The following LGSN variants were observed in gnomAD, a reference collection of about 807,000 sequenced individuals.
LGSN encodes lengsin.
A neutral mutation model predicts 19.5 loss-of-function variants in LGSN; 21 were observed. The observed-to-expected ratio is 1.07, with a 90% confidence interval of 0.76 to 1.55. The LOEUF (loss-of-function observed/expected upper bound fraction) is 1.55. LGSN is among the 40% of genes most tolerant of loss of function. The pLI is 0.00. For synonymous variants in LGSN, 257 were observed against 215.6 expected (o/e 1.19, Z -1.68); for missense variants, 673 against 608.5 (o/e 1.11, Z -1.12).
At chr6:63,501,341 G>T in the LGSN span, among the ~76,000 whole-genome samples, 1 of 140,096 alleles carries the variant, frequency 7.1e-6, no homozygotes, top group African/African-American at 2.8e-5. Flanking sequence ...TAGCCTGGGC[G>T]ACAAGAACAA....
the LGSN span, among the ~76,000 whole-genome samples, chr6:63,337,860 G>T: frequency 7.9e-5 from 12 of 151,646 alleles, no homozygotes; most frequent in Non-Finnish European, 1.3e-4. Context: ...GATTATATAA[G>T]AACTCTGTAC....
the LGSN span, chr6:63,550,555 C>T: frequency 2.0e-5 from 3 of 152,120 alleles, no homozygotes; most frequent in Non-Finnish European, 2.9e-5. Context: ...AGCCTTGGTT[C>T]GGGTGCATAT....
At chr6:63,474,667 A>T in the LGSN span, among the ~76,000 whole-genome samples, 11 of 151,952 alleles carry the variant, frequency 7.2e-5, no homozygotes, top group Non-Finnish European at 1.5e-4. Flanking sequence ...CACGCCTGTA[A>T]TCCCAGCACT....
the LGSN span, among the ~76,000 whole-genome samples, chr6:63,510,832 C>A: frequency 6.6e-6 from 1 of 151,890 alleles, no homozygotes; most frequent in Non-Finnish European, 1.5e-5. Flanking sequence ...TGTCACCATA[C>A]CTGGCTAATT....
At chr6:63,422,551 AG>A in the LGSN span, among the ~76,000 whole-genome samples, 1 of 152,218 alleles carries the variant, frequency 6.6e-6, no homozygotes, top group Non-Finnish European at 1.5e-5. Context: ...TTAAAAAAAG[AG>A]ATACCCATTT....
chr6:63,493,585 T>C, the LGSN span, among the ~76,000 whole-genome samples: 1 of 152,242 alleles, frequency 6.6e-6, no homozygotes, highest in South Asian at 2.1e-4. Context: ...CCATCAGATC[T>C]TGGGTCTCTG....
At chr6:63,378,436 T>A in the LGSN span, among the ~76,000 whole-genome samples, 2 of 152,154 alleles carry the variant, frequency 1.3e-5, no homozygotes, top group Non-Finnish European at 2.9e-5. Flanking sequence ...CATACCACTG[T>A]CTCAGGTATA....
At chr6:63,522,154 C>A in the LGSN span, among the ~76,000 whole-genome samples, 1 of 152,136 alleles carries the variant, frequency 6.6e-6, no homozygotes, top group South Asian at 2.1e-4. Context: ...ATTTCCTTAT[C>A]CCAACTCTAT....
In LGSN at chr6:63,317,266, C is replaced by G. The variant is rs185288531; in HGVS notation, c.30+2648G>C. On this transcript the variant is annotated intron_variant, in intron 1 of 3. Coordinates refer to ENST00000370657, the MANE Select transcript of LGSN (RefSeq NM_016571.3). The stretch of plus-strand genomic sequence containing the variant: ...GTTCTAAGCACTTTACATGTATTAA[C>G]TCATTTAATCTCCACAAAATCCCTT... Among the ~76,000 whole-genome samples the G allele has an allele frequency of 1.1e-3, 167 of 152,242 alleles. 2 individuals carry two copies. The highest frequency in any genetic ancestry group is 3.7e-3 in the African/African-American group (154 of 41,568).
chr6:63,348,734 A>G, the LGSN span, among the ~76,000 whole-genome samples: 4 of 132,196 alleles, frequency 3.0e-5, no homozygotes, highest in Admixed American at 3.1e-4. Flanking sequence ...AGAAATGAAG[A>G]TTTTTACTTT....
the LGSN span, among the ~76,000 whole-genome samples, chr6:63,554,907 T>C: frequency 6.6e-6 from 1 of 152,228 alleles, no homozygotes; most frequent in Non-Finnish European, 1.5e-5. Flanking sequence ...TGGTGTATAG[T>C]AGATTTTCAC....
chr6:63,398,334 T>C, the LGSN span, among the ~76,000 whole-genome samples: 9 of 151,846 alleles, frequency 5.9e-5, no homozygotes, highest in Admixed American at 5.9e-4. Context: ...CCCCTGAAGA[T>C]CTTGAAACGG....
the LGSN span, among the ~76,000 whole-genome samples, chr6:63,337,347 C>T: frequency 6.7e-6 from 1 of 150,334 alleles, no homozygotes; most frequent in Admixed American, 6.6e-5. Flanking sequence ...GCTGTAATCC[C>T]GTTACTCATG....
At chr6:63,541,674 A>G in the LGSN span, among the ~76,000 whole-genome samples, 1 of 152,260 alleles carries the variant, frequency 6.6e-6, no homozygotes, top group South Asian at 2.1e-4. Context: ...TATTTCACCA[A>G]GCAATTAGAA....
chr6:63,473,522 A>G, the LGSN span, among the ~76,000 whole-genome samples: 3 of 148,260 alleles, frequency 2.0e-5, no homozygotes, highest in African/African-American at 4.9e-5. Flanking sequence ...GTTTAAATTC[A>G]GTTTTTAACC....
the LGSN span, among the ~76,000 whole-genome samples, chr6:63,442,199 T>A: frequency 6.6e-6 from 1 of 152,160 alleles, no homozygotes; most frequent in Admixed American, 6.5e-5. Context: ...GTAGTCTCAC[T>A]GGCTTCAGGA....
chr6:63,489,517 C>T, the LGSN span, among the ~76,000 whole-genome samples: 2 of 151,996 alleles, frequency 1.3e-5, no homozygotes, highest in African/African-American at 4.8e-5. Flanking sequence ...TACAGGTGTG[C>T]ACCACCACTA....
chr6:63,412,495 A>AG, the LGSN span, among the ~76,000 whole-genome samples: 116 of 100,676 alleles, frequency 1.2e-3, 3 homozygotes, highest in African/African-American at 3.7e-3. Context: ...AGAAAGAAAG[A>AG]AAGAAAGAAA....
At chr6:63,525,935 C>T in the LGSN span, among the ~76,000 whole-genome samples, 168 of 152,302 alleles carry the variant, frequency 1.1e-3, 3 homozygotes, top group Admixed American at 0.011. Context: ...ATCTCTAAGA[C>T]AGTCTCTTCC....
Sources: allele counts gnomAD v4.1 joint callset (sites outside exome capture counted in the v4.1 genomes callset), GRCh38; gene constraint gnomAD v4.1.1; transcripts MANE v1.5; gene names NCBI Gene and HGNC (gene_info 2026-07-23, HGNC 2026-07-21).